The following NMRK2 variants were observed in gnomAD, a reference collection of about 807,000 sequenced individuals.
NMRK2 encodes the protein NRK 2.
Under a neutral mutation model 24.7 loss-of-function variants are expected in NMRK2, and 34 were observed. That is an observed-to-expected ratio of 1.37 (90% CI 1.05 to 1.83). NMRK2 has a LOEUF of 1.83. Ranked by LOEUF, NMRK2 falls within the 40% of genes most tolerant of loss-of-function variation. NMRK2 has a pLI of 0.00. For missense variants in NMRK2, 341 were observed against 315.0 expected (o/e 1.08, Z -0.62); for synonymous variants, 145 against 125.6 (o/e 1.15, Z -1.03).
rs201075115 is a variant in NMRK2 at position 3,942,407 on chromosome 19, G to GT, written c.*141dup. 6.3e-3 allele frequency: 4,850 copies of GT among 766,432 alleles called. 159 individuals carry two copies. In the African/African-American group the frequency reaches 0.071, roughly 11 times the overall value. 47.5% of individuals were successfully genotyped at this position (766,432 alleles called of 1,614,324 possible). ...CAGCTTCAGTAGTAAACTGGGTCCT[G>GT]TTTTTTTAACTGTTGGTGTCTACCG... is the stretch of plus-strand genomic sequence containing the variant. On this transcript the variant is annotated 3_prime_UTR_variant, in exon 8 of 8. Transcript: ENST00000168977.
intron 5 of NMRK2, among the ~76,000 whole-genome samples, chr19:3,939,428 C>T (rs1199917495): frequency 6.6e-6 from 1 of 151,892 alleles, no homozygotes; most frequent in Non-Finnish European, 1.5e-5. Flanking sequence ...GCAAGAGAAT[C>T]GCTTGAACCC....
chr19:3,933,397 G>A (rs944918715), intron 1 of NMRK2, 61 bp from the exon 2 acceptor site: 3 of 486,480 alleles, frequency 6.2e-6, no homozygotes, highest in South Asian at 2.6e-5. Context: ...CAGGGAGGTG[G>A]GAGGAGGGAA....
intron 2 of NMRK2, among the ~76,000 whole-genome samples, chr19:3,935,150 G>A (rs916310267): frequency 6.6e-6 from 1 of 151,868 alleles, no homozygotes; most frequent in African/African-American, 2.4e-5. Flanking sequence ...CTCTCCAAAT[G>A]CTGGGATTAC....
In NMRK2 at chr19:3,942,305, A is replaced by T; in HGVS notation, c.*32A>T. 6.4e-7 allele frequency: 1 copy of T among 1,557,078 alleles called. No homozygotes were observed. The highest frequency in any genetic ancestry group is 8.7e-7 in the Non-Finnish European group (1 of 1,150,736). ...CCCTATGGGGGTGTCTGTACGTAGG[A>T]GAGTGGAGGCCCCACTCCCAGTTGG... is the stretch of plus-strand genomic sequence containing the variant. On this transcript the variant is annotated 3_prime_UTR_variant, in exon 8 of 8. Coordinates refer to ENST00000168977, the MANE Select transcript of NMRK2 (RefSeq NM_170678.3).
intron 6 of NMRK2, among the ~76,000 whole-genome samples, chr19:3,940,748 AAAAAAG>A (rs1454478655): frequency 4.0e-5 from 6 of 151,388 alleles, no homozygotes; most frequent in African/African-American, 7.3e-5. Flanking sequence ...AAAAAAAAAA[AAAAAAG>A]AGAAAACGCC....
At position 3,942,309 on chromosome 19, in the gene NMRK2, T is replaced by G. The variant is rs745323206; in HGVS notation, c.*36T>G. ...ATGGGGGTGTCTGTACGTAGGAGAGTGGAGGCCCCACTCCCAGTTGGGCGT... is the reference window on the plus strand; with the variant it reads ...ATGGGGGTGTCTGTACGTAGGAGAGGGGAGGCCCCACTCCCAGTTGGGCGT... On this transcript the variant is annotated 3_prime_UTR_variant, in exon 8 of 8. Coordinates refer to ENST00000168977, the MANE Select transcript of NMRK2 (RefSeq NM_170678.3). 20 of 1,547,386 alleles carry G rather than the reference T, an allele frequency of 1.3e-5. No individual in the cohort carries two copies. Among genetic ancestry groups the G allele is most frequent in the Non-Finnish European group, 1.7e-5 (20 of 1,144,354 alleles).
At position 3,933,393 on chromosome 19, in the gene NMRK2, G is replaced by GT. The variant is rs1294404142; in HGVS notation, c.-214-65_-214-64insT. The GT allele has an allele frequency of 7.4e-5, 36 of 488,888 alleles. No individual in the cohort carries two copies. The East Asian group carries it at 1.3e-3, about 18-fold the overall frequency. The allele number at this position is 488,888 out of a possible 1,614,324, so 30.3% of individuals were successfully genotyped here. A position where few individuals can be genotyped will look rare whatever the true frequency, so the allele number is the denominator to read the frequency against. The stretch of plus-strand genomic sequence containing the variant: ...GGAGGGAGTGGAGAGAGGGCAGGGA[G>GT]GTGGGAGGAGGGAAGAGGCAGCCCC... On this transcript the variant is annotated intron_variant, in intron 1 of 7. Transcript: ENST00000168977.
intron 7 of NMRK2, among the ~76,000 whole-genome samples, chr19:3,941,832 G>A (rs1023319083): frequency 1.3e-5 from 2 of 150,628 alleles, no homozygotes; most frequent in South Asian, 4.2e-4. Flanking sequence ...TAGTAGAGAT[G>A]GGGTTTCACC....
intron 4 of NMRK2, 41 bp from the exon 5 acceptor site, chr19:3,938,562 C>A (rs754691510): frequency 6.6e-7 from 1 of 1,505,340 alleles, no homozygotes; most frequent in Non-Finnish European, 8.9e-7. Context: ...CACTATCCCC[C>A]AGGGTCTGCC....
intron 2 of NMRK2, 128 bp from the exon 3 acceptor site, chr19:3,936,447 A>C (rs2039215007): frequency 3.5e-6 from 2 of 573,884 alleles, no homozygotes; most frequent in Non-Finnish European, 6.0e-6. Context: ...CTGGGAGCTG[A>C]TTTGCAGGAA....
rs753015908 is a variant in NMRK2, at chr19:3,938,645, A to G, written c.209A>G (p.Gln70Arg). 7.5e-6 allele frequency: 12 copies of G among 1,610,224 alleles called. No individual in the cohort carries two copies. The Admixed American group carries it at 1.8e-4, about 25-fold the overall frequency. The change falls in exon 5 of 8, where the codon CAG becomes CGG. Residue 70 changes from glutamine (Q) to arginine (R), a missense_variant. Coordinates refer to ENST00000168977, the MANE Select transcript of NMRK2 (RefSeq NM_170678.3). ...ATGGAGGCCATGCTGGACACCGTGC[A>G]GGCCTGGCTGAGCAGCCCGCAGAAG... ...LDMEAMLDTV[Q>R]AWLSSPQKFA...
At chr19:3,933,234 T>C (rs2304191) in intron 1 of NMRK2, 56 bp downstream of exon 1, 26,952 of 169,064 alleles carry the variant, frequency 0.16, 3,127 homozygotes, top group African/African-American at 0.34. Context: ...GGTCAGGCCA[T>C]AGGACACAGA....
Position 3,939,950 on chromosome 19 carries a change from AAG to A in NMRK2, c.377_378del (p.Glu126ValfsTer14), listed in dbSNP as rs1335476194. The A allele has an allele frequency of 6.2e-7, 1 of 1,612,124 alleles. No individual in the cohort carries two copies. The highest frequency in any genetic ancestry group is 1.3e-5 in the African/African-American group (1 of 74,916). On this transcript the variant is annotated frameshift_variant, in exon 6 of 8. Coordinates refer to ENST00000168977, the MANE Select transcript of NMRK2 (RefSeq NM_170678.3). LOFTEE classifies it high-confidence loss of function. The stretch of plus-strand genomic sequence containing the variant: ...CGGTACTTCCTGACCGTCCCGTATG[AAG>A]AGTGCAAGTGGAGGAGAAGGTGCAC...
chr19:3,938,642 T>C lies in NMRK2; in HGVS notation c.206T>C (p.Val69Ala). The change falls in exon 5 of 8, where the codon GTG (valine) becomes GCG (alanine). Residue 69 changes from valine to alanine, a missense_variant. Physicochemically the swap from Val to Ala is moderately conservative, Grantham distance 64. Coordinates refer to ENST00000168977, the MANE Select transcript of NMRK2 (RefSeq NM_170678.3). ...SLDMEAMLDT[V>A]QAWLSSPQKF... ...GACATGGAGGCCATGCTGGACACCGTGCAGGCCTGGCTGAGCAGCCCGCAG... is the reference window on the plus strand; with the variant it reads ...GACATGGAGGCCATGCTGGACACCGCGCAGGCCTGGCTGAGCAGCCCGCAG... 6.2e-7 allele frequency: 1 copy of C among 1,610,002 alleles called. No individual in the cohort carries two copies. The highest frequency in any genetic ancestry group is 8.5e-7 in the Non-Finnish European group (1 of 1,177,832).
intron 1 of NMRK2, 73 bp from the exon 2 acceptor site, chr19:3,933,385 G>A (rs930725192): frequency 6.3e-6 from 3 of 478,948 alleles, no homozygotes; most frequent in African/African-American, 2.1e-5. Context: ...GTGGAGAGAG[G>A]GCAGGGAGGT....
chr19:3,939,869 G>A, intron 5 of NMRK2, 31 bp from the exon 6 acceptor site: 1 of 1,594,902 alleles, frequency 6.3e-7, no homozygotes, highest in Non-Finnish European at 8.6e-7. Context: ...AAGCTCACAG[G>A]TGCTGACCGT....
chr19:3,940,007 A>AG, intron 6 of NMRK2, 36 bp downstream of exon 6: 1 of 1,576,422 alleles, frequency 6.3e-7, no homozygotes, highest in Non-Finnish European at 8.7e-7. Flanking sequence ...TGGGCTCCTG[A>AG]GGGCCCTGTC....
At chr19:3,941,213 C>A (rs747510352) in intron 7 of NMRK2, 36 bp downstream of exon 7, 2 of 468,460 alleles carry the variant, frequency 4.3e-6, no homozygotes, top group Non-Finnish European at 8.5e-6. Flanking sequence ...TTGCCCCGGG[C>A]GGGCGGGGGG....
rs1418398306 is a variant in NMRK2 at position 3,942,336 on chromosome 19, C to G, written c.*63C>G. The G allele has an allele frequency of 6.8e-6, 10 of 1,479,680 alleles. No homozygotes were observed. The highest frequency in any genetic ancestry group is 9.1e-6 in the Non-Finnish European group (10 of 1,096,290). The allele number at this position is 1,479,680 out of a possible 1,614,324, so 91.7% of individuals were successfully genotyped here. On this transcript the variant is annotated 3_prime_UTR_variant, in exon 8 of 8. Coordinates refer to ENST00000168977, the MANE Select transcript of NMRK2 (RefSeq NM_170678.3). ...GAGGCCCCACTCCCAGTTGGGCGTC[C>G]CGGAGCTCAGGGACTGAGCCCCAAG...
Sources: allele counts gnomAD v4.1 joint callset (sites outside exome capture counted in the v4.1 genomes callset), GRCh38; gene constraint gnomAD v4.1.1; transcripts MANE v1.5; gene names NCBI Gene and HGNC (gene_info 2026-07-23, HGNC 2026-07-21).